TTC7A: variants seen among roughly 807,000 people sequenced by gnomAD.
TTC7A encodes the protein tetratricopeptide repeat domain 7A.
TTC7A carries 110 observed loss-of-function variants against 103.7 expected under a neutral mutation model. That is an observed-to-expected ratio of 1.06 (90% CI 0.91 to 1.24). The LOEUF is 1.24. Ranked by LOEUF, TTC7A falls within the 50% of genes most tolerant of loss-of-function variation. The probability of loss-of-function intolerance (pLI) is 0.00; values close to 1 mark genes in which losing one functional copy is unlikely to be tolerated. For missense variants in TTC7A, 1,340 were observed against 1,116.3 expected (o/e 1.20, Z -2.86); for synonymous variants, 521 against 467.9 (o/e 1.11, Z -1.47).
At chr2:47,031,558 T>A (rs372141640) in intron 15 of TTC7A, among the ~76,000 whole-genome samples, 64 of 152,298 alleles carry the variant, frequency 4.2e-4, no homozygotes, top group African/African-American at 1.4e-3. Context: ...TGTGGAGCAT[T>A]GGAGAAGCAA....
In TTC7A at chr2:47,051,925, C is replaced by T. The variant is rs779180593; in HGVS notation, c.2152+45C>T. The stretch of plus-strand genomic sequence containing the variant: ...TGACACACACAGCCTGTCTGCAGGC[C>T]ACCCATGCTCTCAGAGCCCTGTCCT... On this transcript the variant is annotated intron_variant, in intron 18 of 19. Transcript: ENST00000319190. 6 of 1,567,636 alleles carry T rather than the reference C, an allele frequency of 3.8e-6. No individual in the cohort carries two copies. The Admixed American group carries it at 1.1e-4, about 28-fold the overall frequency.
chr2:47,022,268 A>G (rs1165228691), intron 12 of TTC7A, among the ~76,000 whole-genome samples: 1 of 151,992 alleles, frequency 6.6e-6, no homozygotes, highest in African/African-American at 2.4e-5. Context: ...AGCAAAGCCC[A>G]TGCTGATCTT....
chr2:46,997,241 A>G lies in TTC7A; in HGVS notation c.1065+2042A>G, dbSNP rs962602972. On this transcript the variant is annotated intron_variant, in intron 8 of 19. Transcript: ENST00000319190. Reference sequence around the variant, plus strand: ...TGATCCACCTGCCTCAGCCTCCCAAAGTGCTGGGATTACAGGCATGAGCCA... The same window carrying G: ...TGATCCACCTGCCTCAGCCTCCCAAGGTGCTGGGATTACAGGCATGAGCCA... Among the ~76,000 whole-genome samples the G allele has an allele frequency of 2.6e-5, 4 of 151,986 alleles. No homozygotes were observed. In the East Asian group the frequency reaches 7.7e-4, roughly 29 times the overall value.
intron 17 of TTC7A, chr2:47,050,616 G>C (rs1046563821): frequency 3.3e-5 from 5 of 153,392 alleles, no homozygotes; most frequent in East Asian, 1.9e-4. Context: ...TAGTGGAATT[G>C]CTCAGTTTTT....
intron 18 of TTC7A, among the ~76,000 whole-genome samples, chr2:47,055,821 T>C (rs963297138): frequency 2.0e-5 from 3 of 152,126 alleles, no homozygotes; most frequent in African/African-American, 7.2e-5. Flanking sequence ...CTTGGGGGGC[T>C]GGGGTGGGGT....
chr2:47,036,501 C>T (rs1245100611), intron 15 of TTC7A, among the ~76,000 whole-genome samples: 2 of 152,146 alleles, frequency 1.3e-5, no homozygotes, highest in African/African-American at 4.8e-5. Flanking sequence ...AGGGATTAGT[C>T]TCTGGGAAGG....
chr2:47,019,439 A>T (rs1679043092), intron 11 of TTC7A, among the ~76,000 whole-genome samples: 1 of 152,212 alleles, frequency 6.6e-6, no homozygotes, highest in East Asian at 1.9e-4. Flanking sequence ...TGGTACATTA[A>T]GCCTTGGGAT....
intron 2 of TTC7A, among the ~76,000 whole-genome samples, chr2:46,924,537 GAATAT>G (rs1476154795): frequency 4.0e-5 from 6 of 151,708 alleles, no homozygotes; most frequent in African/African-American, 1.2e-4. Context: ...GTTTTGAATA[GAATAT>G]GAGAAGAAAA....
At chr2:47,046,253 G>T (rs749737213) in intron 15 of TTC7A, 62 bp from the exon 16 acceptor site, 4 of 1,343,460 alleles carry the variant, frequency 3.0e-6, no homozygotes, top group South Asian at 1.2e-5. Flanking sequence ...GGTGGGGCAG[G>T]ATCCCCAGGT....
Position 46,956,864 on chromosome 2 carries a change from T to A in TTC7A, c.374T>A (p.Leu125Gln), listed in dbSNP as rs367845612. The change falls in exon 3 of 20, where the codon CTG (leucine) becomes CAG (glutamine). Residue 125 changes from leucine (L) to glutamine (Q), a missense_variant. Leu to Gln is a moderately radical substitution (Grantham distance 113). Transcript: ENST00000319190. ...CCACAGTACATGTGTGAGGCCATGC[T>A]GATCCTGGGCAAACTGCATTACGTG... The part of the protein sequence containing the change: ...LSPQYMCEAM[L>Q]ILGKLHYVEG... 3.1e-6 allele frequency: 5 copies of A among 1,614,122 alleles called. No homozygotes were observed. In the African/African-American group the frequency reaches 6.7e-5, roughly 22 times the overall value.
chr2:46,930,097 C>T (rs966323465), intron 2 of TTC7A, among the ~76,000 whole-genome samples: 8 of 152,128 alleles, frequency 5.3e-5, no homozygotes, highest in African/African-American at 1.9e-4. Flanking sequence ...ATAACCTAAC[C>T]TTTCCCTACT....
chr2:46,979,581 T>C (rs1477912058), intron 5 of TTC7A, among the ~76,000 whole-genome samples: 1 of 152,188 alleles, frequency 6.6e-6, no homozygotes, highest in African/African-American at 2.4e-5. Context: ...ACCTGCCTTG[T>C]TGAATAGTCG....
At chr2:47,053,221 A>T (rs978949446) in intron 18 of TTC7A, among the ~76,000 whole-genome samples, 4 of 152,156 alleles carry the variant, frequency 2.6e-5, no homozygotes, top group Middle Eastern at 3.2e-3. Context: ...TTGGGTTTTA[A>T]GTAGGAAGAG....
At chr2:47,033,128 G>A (rs539758902) in intron 15 of TTC7A, among the ~76,000 whole-genome samples, 1 of 152,302 alleles carries the variant, frequency 6.6e-6, no homozygotes, top group South Asian at 2.1e-4. Context: ...ATTGCTCTTC[G>A]ATTGACACTG....
At chr2:46,947,124 T>TTATTTTGAAA (rs1671011379) in intron 1 of TTC7A, among the ~76,000 whole-genome samples, 1 of 152,204 alleles carries the variant, frequency 6.6e-6, no homozygotes, top group African/African-American at 2.4e-5. Context: ...AGACTGTTGT[T>TTATTTTGAAA]TATTTTGAAA....
chr2:46,960,826 G>C (rs996766543), intron 3 of TTC7A, among the ~76,000 whole-genome samples: 1 of 150,170 alleles, frequency 6.7e-6, no homozygotes, highest in African/African-American at 2.5e-5. Context: ...AGGGTGCTGG[G>C]AGGCAGATTA....
intron 3 of TTC7A, among the ~76,000 whole-genome samples, chr2:46,957,221 C>T (rs143502111): frequency 3.7e-4 from 56 of 152,366 alleles, no homozygotes; most frequent in Admixed American, 5.9e-4. Flanking sequence ...CGCCCTGGCT[C>T]TGTCAACAAC....
intron 2 of TTC7A, among the ~76,000 whole-genome samples, chr2:46,927,260 G>T (rs191483323): frequency 8.7e-5 from 13 of 149,862 alleles, no homozygotes; most frequent in Admixed American, 8.0e-4. Context: ...CAAATCCCAA[G>T]CAAAGTTAAT....
At chr2:47,001,084 T>C (rs1211563204) in intron 8 of TTC7A, among the ~76,000 whole-genome samples, 3 of 152,186 alleles carry the variant, frequency 2.0e-5, no homozygotes, top group Non-Finnish European at 4.4e-5. Context: ...CCTCCCTTAG[T>C]CTTCTCATCT....
Sources: allele counts gnomAD v4.1 joint callset (sites outside exome capture counted in the v4.1 genomes callset), GRCh38; gene constraint gnomAD v4.1.1; transcripts MANE v1.5; gene names NCBI Gene and HGNC (gene_info 2026-07-23, HGNC 2026-07-21).